CRB1: variants seen among roughly 807,000 people sequenced by gnomAD.
The protein encoded by CRB1 is crumbs cell polarity complex component 1, also known as protein crumbs homolog 1.
A neutral mutation model predicts 120.0 loss-of-function variants in CRB1; 83 were observed. The observed-to-expected ratio is 0.69, with a 90% confidence interval of 0.58 to 0.83. The LOEUF is 0.83. Among genes scored for constraint, CRB1 ranks in the 40% least tolerant of loss-of-function variants. CRB1 has a pLI of 0.00. For synonymous variants in CRB1, 625 were observed against 612.5 expected, an observed-to-expected ratio of 1.02 and a Z score of -0.30; for missense variants, 1,699 against 1,687.6, an observed-to-expected ratio of 1.01 and a Z score of -0.12.
chr1:197,381,660 T>A (rs982838871), intron 5 of CRB1, among the ~76,000 whole-genome samples: 3 of 152,210 alleles, frequency 2.0e-5, no homozygotes, highest in African/African-American at 4.8e-5. Context: ...CACAAGAGGT[T>A]ACACATGCAG....
At chr1:197,247,999 A>G in the CRB1 span, among the ~76,000 whole-genome samples, 1 of 152,072 alleles carries the variant, frequency 6.6e-6, no homozygotes, top group Middle Eastern at 3.2e-3. Flanking sequence ...AAACTCTTGT[A>G]AATGTTTCCA....
chr1:197,235,759 T>C, the CRB1 span, among the ~76,000 whole-genome samples: 4 of 152,304 alleles, frequency 2.6e-5, no homozygotes, highest in East Asian at 1.9e-4. Context: ...TGAGCTGATA[T>C]AAGAAACAGC....
At chr1:197,270,566 A>G (rs1041445319) in intron 1 of CRB1, among the ~76,000 whole-genome samples, 2 of 152,214 alleles carry the variant, frequency 1.3e-5, no homozygotes, top group African/African-American at 4.8e-5. Flanking sequence ...ATATAAACAT[A>G]TCTCTCTCTT....
Position 197,421,024 on chromosome 1 carries a change from A to G in CRB1, c.1196A>G (p.Asn399Ser), listed in dbSNP as rs747303827. The G allele has an allele frequency of 1.2e-5, 19 of 1,610,580 alleles. No homozygotes were observed. Among genetic ancestry groups the G allele is most frequent in the South Asian group, 9.9e-5 (9 of 91,030 alleles). ...FTGIHCEEDV[N>S]ECSSNPCQNG... ...GGAATCCACTGCGAAGAAGACGTCA[A>G]TGAATGTTCTTCAAACCCTTGCCAA... The change falls in exon 6 of 12, where the codon AAT becomes AGT. Residue 399 changes from asparagine (N) to serine (S), a missense_variant. Transcript: ENST00000367400.
the CRB1 span, chr1:197,222,312 T>G: frequency 2.9e-6 from 2 of 694,068 alleles, no homozygotes; most frequent in Non-Finnish European, 2.7e-6. Context: ...AAATGGAAAT[T>G]GGCCTATACC....
At chr1:197,420,434 C>T (rs1283010390) in intron 5 of CRB1, among the ~76,000 whole-genome samples, 1 of 152,046 alleles carries the variant, frequency 6.6e-6, no homozygotes, top group African/African-American at 2.4e-5. Context: ...ACTGGCATTG[C>T]AGGGAAGGAG....
chr1:197,434,148 A>G (rs1182559946), intron 8 of CRB1, among the ~76,000 whole-genome samples: 2 of 152,190 alleles, frequency 1.3e-5, no homozygotes, highest in African/African-American at 2.4e-5. Context: ...AGCTTGTCAC[A>G]TAATTGGAGT....
chr1:197,360,222 C>A (rs1660702387), intron 5 of CRB1: 1 of 152,202 alleles, frequency 6.6e-6, no homozygotes, highest in South Asian at 2.1e-4. Context: ...GAGTTATCAC[C>A]TTGTGTGGGA....
Position 197,435,471 on chromosome 1 carries a change from A to G in CRB1, c.3608A>G (p.Glu1203Gly). 1 of 1,600,720 alleles carries G rather than the reference A, an allele frequency of 6.2e-7. No individual in the cohort carries two copies. Among genetic ancestry groups the G allele is most frequent in the Non-Finnish European group, 8.5e-7 (1 of 1,173,136 alleles). Residue 1203 changes from glutamate to glycine, a missense_variant, in exon 9 of 12, where the codon GAG becomes GGG. Transcript: ENST00000367400. ...DRVAAYHCTC[E>G]PGYTGVNCEV... ...GTTGCAGCCTACCACTGCACATGTG[A>G]GCCTGGATACACTGGTGTGAACTGT...
chr1:197,295,880 A>G (rs1238592833), intron 1 of CRB1, among the ~76,000 whole-genome samples: 1 of 152,078 alleles, frequency 6.6e-6, no homozygotes, highest in East Asian at 1.9e-4. Flanking sequence ...AGCCAGGCTT[A>G]CTGTGAAACA....
chr1:197,367,594 C>T (rs1416079617), intron 5 of CRB1, among the ~76,000 whole-genome samples: 2 of 152,158 alleles, frequency 1.3e-5, no homozygotes, highest in Admixed American at 6.5e-5. Flanking sequence ...ATGTCTTTCA[C>T]GTGAACATTT....
chr1:197,325,519 TTAAA>T (rs1426224770), intron 1 of CRB1, among the ~76,000 whole-genome samples: 1 of 152,146 alleles, frequency 6.6e-6, no homozygotes, highest in Non-Finnish European at 1.5e-5. Flanking sequence ...TAAAATTAGG[TTAAA>T]TATAGATAAC....
the CRB1 span, among the ~76,000 whole-genome samples, chr1:197,248,293 C>T: frequency 2.0e-5 from 3 of 152,000 alleles, no homozygotes; most frequent in African/African-American, 7.2e-5. Context: ...TTGTATAAAA[C>T]GAAATATAAT....
At chr1:197,222,934 C>T in the CRB1 span, 1,533 of 975,438 alleles carry the variant, frequency 1.6e-3, 17 homozygotes, top group African/African-American at 0.022. Context: ...ATCCTGTTGA[C>T]GCTCTGCAAG....
At chr1:197,412,095 G>A (rs974380375) in intron 5 of CRB1, among the ~76,000 whole-genome samples, 1 of 152,216 alleles carries the variant, frequency 6.6e-6, no homozygotes, top group Non-Finnish European at 1.5e-5. Flanking sequence ...CTATACGGTG[G>A]AACACATTTC....
intron 11 of CRB1, among the ~76,000 whole-genome samples, chr1:197,446,946 A>C (rs1665729757): frequency 6.6e-6 from 1 of 152,180 alleles, no homozygotes; most frequent in South Asian, 2.1e-4. Flanking sequence ...TATATTTGGG[A>C]TATATATTAT....
chr1:197,416,023 T>G (rs1663982703), intron 5 of CRB1, among the ~76,000 whole-genome samples: 1 of 152,228 alleles, frequency 6.6e-6, no homozygotes, highest in Non-Finnish European at 1.5e-5. Flanking sequence ...CAGCCAGGCC[T>G]GAAGAGATAC....
chr1:197,237,773 G>T, the CRB1 span, among the ~76,000 whole-genome samples: 2 of 151,926 alleles, frequency 1.3e-5, no homozygotes, highest in Non-Finnish European at 2.9e-5. Flanking sequence ...TTTTGGCAGA[G>T]GTTCATCAAT....
the CRB1 span, among the ~76,000 whole-genome samples, chr1:197,208,650 T>A: frequency 6.6e-6 from 1 of 152,158 alleles, no homozygotes; most frequent in African/African-American, 2.4e-5. Flanking sequence ...GGTACTTGGT[T>A]GTATTTTTAT....
Sources: allele counts gnomAD v4.1 joint callset (sites outside exome capture counted in the v4.1 genomes callset), GRCh38; gene constraint gnomAD v4.1.1; transcripts MANE v1.5; gene names NCBI Gene and HGNC (gene_info 2026-07-23, HGNC 2026-07-21).